The following MACROD2 variants were observed in gnomAD, a reference collection of about 807,000 sequenced individuals.
The protein encoded by MACROD2 is ADP-ribose glycohydrolase MACROD2.
Under a neutral mutation model 70.4 loss-of-function variants are expected in MACROD2, and 36 were observed. The ratio of observed to expected loss-of-function variants is 0.51; its 90% CI spans 0.39 to 0.68. The LOEUF (loss-of-function observed/expected upper bound fraction) is 0.68, where lower values mean the gene tolerates loss of function less well. MACROD2 is among the 30% of genes least tolerant of loss of function. The probability of loss-of-function intolerance (pLI) is 0.00; values close to 1 mark genes in which losing one functional copy is unlikely to be tolerated. For synonymous variants in MACROD2, 172 were observed against 178.8 expected (o/e 0.96, Z 0.30); for missense variants, 496 against 538.4 (o/e 0.92, Z 0.78).
At chr20:14,355,915 A>G (rs2083167957) in intron 3 of MACROD2, among the ~76,000 whole-genome samples, 1 of 152,142 alleles carries the variant, frequency 6.6e-6, no homozygotes, top group Non-Finnish European at 1.5e-5. Flanking sequence ...GAGGGAGTAG[A>G]ACATTTGGTA....
intron 6 of MACROD2, among the ~76,000 whole-genome samples, chr20:15,273,953 A>G (rs1185852748): frequency 6.6e-6 from 1 of 152,242 alleles, no homozygotes; most frequent in Non-Finnish European, 1.5e-5. Flanking sequence ...TACTTATCAC[A>G]GTGGTTTGTT....
intron 3 of MACROD2, among the ~76,000 whole-genome samples, chr20:14,196,956 T>C (rs1357273316): frequency 6.6e-6 from 1 of 152,160 alleles, no homozygotes; most frequent in Non-Finnish European, 1.5e-5. Flanking sequence ...TGTAATCAGA[T>C]GGAGAGGGTG....
intron 5 of MACROD2, among the ~76,000 whole-genome samples, chr20:14,747,031 T>C (rs1223376619): frequency 6.6e-6 from 1 of 152,162 alleles, no homozygotes; most frequent in Non-Finnish European, 1.5e-5. Flanking sequence ...GTTCCCAGAA[T>C]AGCCCACAGA....
At chr20:15,163,648 A>G (rs76355622) in intron 5 of MACROD2, among the ~76,000 whole-genome samples, 3,509 of 152,194 alleles carry the variant, frequency 0.023, 133 homozygotes, top group African/African-American at 0.08. Context: ...GACAGACCTA[A>G]TCCAGCTCAT....
chr20:15,548,047 A>G (rs1277424299), intron 8 of MACROD2, among the ~76,000 whole-genome samples: 1 of 152,092 alleles, frequency 6.6e-6, no homozygotes, highest in Non-Finnish European at 1.5e-5. Flanking sequence ...ATTGCCATCT[A>G]TCTATATCCA....
chr20:15,881,988 C>T (rs1452765485), intron 9 of MACROD2, among the ~76,000 whole-genome samples: 11 of 150,858 alleles, frequency 7.3e-5, no homozygotes, highest in Admixed American at 7.2e-4. Flanking sequence ...ATTGAATGCT[C>T]ATTCTGTGTA....
At chr20:14,545,083 T>C (rs2085477057) in intron 4 of MACROD2, among the ~76,000 whole-genome samples, 1 of 152,176 alleles carries the variant, frequency 6.6e-6, no homozygotes, top group Non-Finnish European at 1.5e-5. Flanking sequence ...GGGAACACTA[T>C]ATTCACTCTC....
At chr20:15,564,966 A>G (rs1254908727) in intron 8 of MACROD2, among the ~76,000 whole-genome samples, 2 of 152,204 alleles carry the variant, frequency 1.3e-5, no homozygotes, top group African/African-American at 4.8e-5. Context: ...TTAATCCACA[A>G]TTCACCTTTA....
intron 6 of MACROD2, among the ~76,000 whole-genome samples, chr20:15,393,799 G>T (rs1600345151): frequency 6.6e-6 from 1 of 152,050 alleles, no homozygotes; most frequent in South Asian, 2.1e-4. Flanking sequence ...TTCTAACAAG[G>T]TAAGCCTGCC....
At chr20:15,161,647 CT>C (rs1165178903) in intron 5 of MACROD2, among the ~76,000 whole-genome samples, 2 of 151,946 alleles carry the variant, frequency 1.3e-5, no homozygotes, top group African/African-American at 2.4e-5. Flanking sequence ...CATCTGGATG[CT>C]GGTTCAGCTG....
intron 5 of MACROD2, among the ~76,000 whole-genome samples, chr20:14,711,636 TAAATC>T (rs2071339887): frequency 6.6e-6 from 1 of 152,150 alleles, no homozygotes; most frequent in Admixed American, 6.6e-5. Context: ...ATCAGTGAAC[TAAATC>T]TAAATGGGGG....
intron 3 of MACROD2, among the ~76,000 whole-genome samples, chr20:14,360,300 T>A (rs1016091639): frequency 6.6e-6 from 1 of 152,226 alleles, no homozygotes; most frequent in Non-Finnish European, 1.5e-5. Flanking sequence ...TGTGAGGTAA[T>A]ACATGTGTTA....
At chr20:15,302,629 T>C (rs903107615) in intron 6 of MACROD2, among the ~76,000 whole-genome samples, 7 of 152,374 alleles carry the variant, frequency 4.6e-5, no homozygotes, top group East Asian at 1.9e-4. Context: ...TTTCATCTTA[T>C]GGGATAAATC....
At chr20:15,974,078 G>A (rs2066270379) in intron 13 of MACROD2, among the ~76,000 whole-genome samples, 1 of 152,132 alleles carries the variant, frequency 6.6e-6, no homozygotes, top group South Asian at 2.1e-4. Context: ...GGAATAGACA[G>A]GCTGATCAAT....
chr20:14,708,727 C>T (rs972524413), intron 5 of MACROD2, among the ~76,000 whole-genome samples: 6 of 152,214 alleles, frequency 3.9e-5, no homozygotes, highest in African/African-American at 2.4e-5. Context: ...AAGCGATTCT[C>T]CTGCCTCAGC....
intron 3 of MACROD2, among the ~76,000 whole-genome samples, chr20:14,103,559 T>G (rs1264882874): frequency 6.6e-6 from 1 of 152,218 alleles, no homozygotes; most frequent in Non-Finnish European, 1.5e-5. Flanking sequence ...AGGAAGAATG[T>G]AAACTAGAAT....
At chr20:15,748,581 T>A (rs888831063) in intron 8 of MACROD2, among the ~76,000 whole-genome samples, 1 of 152,122 alleles carries the variant, frequency 6.6e-6, no homozygotes, top group Admixed American at 6.6e-5. Flanking sequence ...GGGTAGGCCA[T>A]GGACATTGAC....
rs2273400 is a variant in MACROD2 at position 14,002,505 on chromosome 20, T to A, written c.163+101T>A. The A allele has an allele frequency of 8.3e-3, 5,620 of 679,868 alleles. 211 individuals carry two copies. Among genetic ancestry groups the A allele is most frequent in the East Asian group, 0.076 (2,828 of 37,180 alleles). The allele number at this position is 679,868 out of a possible 1,614,324, so 42.1% of individuals were successfully genotyped here. ...GCGTTCAATAAAGAGATTACTATTTTGCTATTTGAAATTATTGTTTGGTTG... is the reference window on the plus strand; with the variant it reads ...GCGTTCAATAAAGAGATTACTATTTAGCTATTTGAAATTATTGTTTGGTTG... On this transcript the variant is annotated intron_variant, in intron 2 of 17. Coordinates refer to ENST00000684519, the MANE Select transcript of MACROD2 (RefSeq NM_001351661.2).
chr20:15,894,794 T>G (rs897608786), intron 10 of MACROD2, among the ~76,000 whole-genome samples: 1 of 152,166 alleles, frequency 6.6e-6, no homozygotes, highest in African/African-American at 2.4e-5. Flanking sequence ...TGCTTGAAAG[T>G]TTAAAATCGT....
Sources: allele counts gnomAD v4.1 joint callset (sites outside exome capture counted in the v4.1 genomes callset), GRCh38; gene constraint gnomAD v4.1.1; transcripts MANE v1.5; gene names NCBI Gene and HGNC (gene_info 2026-07-23, HGNC 2026-07-21).